Variants in RBFOX1 observed in about 807,000 individuals in gnomAD.
The protein encoded by RBFOX1 is RNA binding protein fox-1 homolog 1.
Under a neutral mutation model 57.7 loss-of-function variants are expected in RBFOX1, and 8 were observed. The observed-to-expected ratio is 0.14, with a 90% CI of 0.08 to 0.25. RBFOX1 has a LOEUF of 0.25. Among genes scored for constraint, RBFOX1 ranks in the 10% least tolerant of loss-of-function variants. The probability of loss-of-function intolerance (pLI) is 1.00; values close to 1 mark genes in which losing one functional copy is unlikely to be tolerated. For missense variants in RBFOX1, 611 were observed against 548.5 expected, an observed-to-expected ratio of 1.11 and a Z score of -1.14; for synonymous variants, 326 against 222.4, an observed-to-expected ratio of 1.47 and a Z score of -4.15.
intron 2 of RBFOX1, among the ~76,000 whole-genome samples, chr16:5,525,442 G>A (rs1327486300): frequency 6.6e-6 from 1 of 150,498 alleles, no homozygotes; most frequent in Admixed American, 6.6e-5. Context: ...ACACAGGGTG[G>A]GCAGAGCTCA....
intron 2 of RBFOX1, among the ~76,000 whole-genome samples, chr16:6,603,879 A>C (rs2097888973): frequency 6.6e-6 from 1 of 152,102 alleles, no homozygotes; most frequent in South Asian, 2.1e-4. Context: ...GCTTCTGTAG[A>C]GTTTTGATCC....
At chr16:7,085,957 A>G (rs1052450059) in intron 4 of RBFOX1, among the ~76,000 whole-genome samples, 2 of 152,152 alleles carry the variant, frequency 1.3e-5, no homozygotes, top group Non-Finnish European at 2.9e-5. Context: ...TGTACTAAGC[A>G]GATTGGTCAG....
intron 1 of RBFOX1, among the ~76,000 whole-genome samples, chr16:6,295,186 C>A (rs1358889235): frequency 6.8e-6 from 1 of 146,232 alleles, no homozygotes; most frequent in Non-Finnish European, 1.5e-5. Flanking sequence ...TGCAGTGGTG[C>A]GATCTCAGCT....
intron 2 of RBFOX1, among the ~76,000 whole-genome samples, chr16:5,572,799 G>A (rs77841378): frequency 6.6e-6 from 1 of 152,160 alleles, no homozygotes; most frequent in Admixed American, 6.5e-5. Context: ...TAGGGCAATC[G>A]GGATGGGGCA....
At chr16:7,195,838 C>A (rs754973898) in intron 4 of RBFOX1, among the ~76,000 whole-genome samples, 2 of 152,172 alleles carry the variant, frequency 1.3e-5, no homozygotes. Flanking sequence ...CAGGCATGAA[C>A]CACTGTGCCC....
chr16:6,227,752 G>A (rs966295632), intron 1 of RBFOX1, among the ~76,000 whole-genome samples: 1 of 152,142 alleles, frequency 6.6e-6, no homozygotes, highest in African/African-American at 2.4e-5. Context: ...CTCCAAACTT[G>A]TGTTTTGCGA....
At chr16:6,268,238 C>G (rs1339371459) in intron 1 of RBFOX1, among the ~76,000 whole-genome samples, 1 of 152,114 alleles carries the variant, frequency 6.6e-6, no homozygotes, top group Non-Finnish European at 1.5e-5. Flanking sequence ...AATCTGTGTC[C>G]CTAGATTTAC....
At position 6,026,271 on chromosome 16, in the gene RBFOX1, C is replaced by G. The variant is rs149092615; in HGVS notation, c.-127+6279C>G. Among the ~76,000 whole-genome samples the G allele has an allele frequency of 5.2e-4, 79 of 152,362 alleles. 1 individual carries two copies. The South Asian group carries it at 0.014, about 27-fold the overall frequency. On this transcript the variant is annotated intron_variant, in intron 1 of 15. Coordinates refer to ENST00000550418, the MANE Select transcript of RBFOX1 (RefSeq NM_018723.4). Reference sequence around the variant, plus strand: ...ACATCACTGTCTCCTTAGCATCTAGCGTGGTGCAAGGCACACAGCAGAAGC... The same window carrying G: ...ACATCACTGTCTCCTTAGCATCTAGGGTGGTGCAAGGCACACAGCAGAAGC...
intron 4 of RBFOX1, among the ~76,000 whole-genome samples, chr16:7,165,034 G>C (rs2079129380): frequency 6.6e-6 from 1 of 152,174 alleles, no homozygotes; most frequent in Non-Finnish European, 1.5e-5. Flanking sequence ...TTTCAGAAAA[G>C]CTTCTGGGTC....
At chr16:5,456,090 T>A (rs2068622538) in intron 1 of RBFOX1, among the ~76,000 whole-genome samples, 1 of 152,014 alleles carries the variant, frequency 6.6e-6, no homozygotes, top group South Asian at 2.1e-4. Context: ...CTAATGATAA[T>A]ATTATGGCAT....
At chr16:6,795,904 T>C (rs1441335393) in intron 3 of RBFOX1, among the ~76,000 whole-genome samples, 1 of 152,172 alleles carries the variant, frequency 6.6e-6, no homozygotes, top group African/African-American at 2.4e-5. Context: ...GTTCTTATGT[T>C]TTTATTGTGT....
At chr16:7,379,792 GCCTCCCTGCCTGCCTGCCTC>G (rs2097756453) in intron 4 of RBFOX1, among the ~76,000 whole-genome samples, 1 of 149,378 alleles carries the variant, frequency 6.7e-6, no homozygotes, top group Non-Finnish European at 1.5e-5. Flanking sequence ...CTGCCTGCCT[GCCTCCCTGCCTGCCTGCCTC>G]CCTCCCTCCC....
rs199687232 is a variant in RBFOX1, at chr16:5,657,648, CTTTCTTTTCT to C, written c.318+58695_318+58704del. On this transcript the variant is annotated intron_variant, in intron 3 of 19. Coordinates refer to the RBFOX1 transcript ENST00000641259. ...TCTTTCTTTCTTTCTTTCTTTCTTTCTTTCTTTTCTTTTCTTTCTTTCTTTTCTTTTCTTT... is the reference window on the plus strand; with the variant it reads ...TCTTTCTTTCTTTCTTTCTTTCTTTCTTTCTTTCTTTCTTTTCTTTTCTTT... Among the ~76,000 whole-genome samples the C allele has an allele frequency of 4.6e-3, 634 of 137,136 alleles. 7 individuals are homozygous for C. Among genetic ancestry groups the C allele is most frequent in the African/African-American group, 0.011 (406 of 36,180 alleles). 90.0% of individuals were successfully genotyped at this position (137,136 alleles called of 152,430 possible). A position where few individuals can be genotyped will look rare whatever the true frequency, so the allele number is the denominator to read the frequency against.
At chr16:5,261,305 T>A (rs2062725491) in intron 1 of RBFOX1, among the ~76,000 whole-genome samples, 1 of 152,190 alleles carries the variant, frequency 6.6e-6, no homozygotes, top group African/African-American at 2.4e-5. Context: ...TGGCCTTTTG[T>A]CATGGTCATT....
chr16:6,121,149 C>T (rs74004784), intron 1 of RBFOX1, among the ~76,000 whole-genome samples: 1 of 152,164 alleles, frequency 6.6e-6, no homozygotes, highest in South Asian at 2.1e-4. Context: ...TATGTCCAGG[C>T]ACAGCCCTGC....
intron 2 of RBFOX1, among the ~76,000 whole-genome samples, chr16:6,653,930 G>T (rs1235641649): frequency 6.7e-6 from 1 of 150,058 alleles, no homozygotes; most frequent in Non-Finnish European, 1.5e-5. Context: ...GTGTGTAGAT[G>T]ATTGATGGAT....
chr16:6,745,495 C>A (rs1348587970), intron 3 of RBFOX1, among the ~76,000 whole-genome samples: 1 of 152,150 alleles, frequency 6.6e-6, no homozygotes, highest in East Asian at 1.9e-4. Context: ...GATGCCTTAA[C>A]ATTTGAAAAT....
chr16:7,016,209 G>A (rs1037467206), intron 3 of RBFOX1, among the ~76,000 whole-genome samples: 7 of 152,040 alleles, frequency 4.6e-5, no homozygotes, highest in African/African-American at 1.4e-4. Context: ...TCAGGAAATC[G>A]CCATCAACAT....
At chr16:6,825,372 C>T (rs1603629348) in intron 3 of RBFOX1, among the ~76,000 whole-genome samples, 2 of 151,764 alleles carry the variant, frequency 1.3e-5, no homozygotes, top group South Asian at 4.2e-4. Context: ...TTTTTAAATA[C>T]ACACTTAAAA....
Sources: gnomAD v4.1 joint callset for allele counts (sites outside exome capture counted in the v4.1 genomes callset) on GRCh38, gnomAD v4.1.1 for gene constraint, MANE v1.5 for transcripts, NCBI Gene and HGNC (gene_info 2026-07-23, HGNC 2026-07-21) for gene names.